The following NCBP3 variants were observed in gnomAD, a reference collection of about 807,000 sequenced individuals.
NCBP3 encodes nuclear cap binding subunit 3, also known as nuclear cap-binding protein subunit 3.
Under a neutral mutation model 75.7 loss-of-function variants are expected in NCBP3, and 20 were observed. The ratio of observed to expected loss-of-function variants is 0.26; its 90% CI spans 0.19 to 0.38. The LOEUF (loss-of-function observed/expected upper bound fraction) is 0.38. NCBP3 is among the 10% of genes least tolerant of loss of function. The pLI is 1.00. For synonymous variants in NCBP3, 293 were observed against 290.5 expected, an observed-to-expected ratio of 1.01 and a Z score of -0.09; for missense variants, 678 against 796.9, an observed-to-expected ratio of 0.85 and a Z score of 1.80.
intron 3 of NCBP3, among the ~76,000 whole-genome samples, chr17:3,833,648 T>A (rs183381): frequency 0.43 from 64,814 of 150,422 alleles, 14,798 homozygotes; most frequent in East Asian, 0.62. Context: ...CTATTTTTTT[T>A]AAAAAAAAAG....
At position 3,809,779 on chromosome 17, in the gene NCBP3, A is replaced by G. The variant is rs1353441126; in HGVS notation, c.*3265T>C. On this transcript the variant is annotated 3_prime_UTR_variant, in exon 13 of 13. Coordinates refer to ENST00000389005, the MANE Select transcript of NCBP3 (RefSeq NM_001114118.3). ...GAAACAACTCAAATGCCCATTAACC[A>G]ATGTGGATTAAAAAAAAGGTGGCAT... is the stretch of plus-strand genomic sequence containing the variant. 1 of 152,180 alleles carries G rather than the reference A, an allele frequency of 6.6e-6. No individual in the cohort carries two copies. Among genetic ancestry groups the G allele is most frequent in the East Asian group, 1.9e-4 (1 of 5,204 alleles). The allele number at this position is 152,180 out of a possible 1,614,324, so 9.4% of individuals were successfully genotyped here. A position where few individuals can be genotyped will look rare whatever the true frequency, so the allele number is the denominator to read the frequency against.
rs1013761177 is a variant in NCBP3, at chr17:3,814,178, G to T, written c.1627+144C>A. On this transcript the variant is annotated intron_variant, in intron 12 of 12. Coordinates refer to ENST00000389005, the MANE Select transcript of NCBP3 (RefSeq NM_001114118.3). ...GGATGATGCTGATGCTGATGCTGAC[G>T]ATAACTATAATGGAAAAGGAATAAT... The T allele has an allele frequency of 4.8e-6, 4 of 841,782 alleles. No homozygotes were observed. The East Asian group carries it at 7.8e-5, about 16-fold the overall frequency. 52.1% of individuals were successfully genotyped at this position (841,782 alleles called of 1,614,324 possible). A position where few individuals can be genotyped will look rare whatever the true frequency, so the allele number is the denominator to read the frequency against.
In NCBP3 at chr17:3,822,113, T is replaced by G. The variant is rs1266490816; in HGVS notation, c.797-61A>C. 1.0e-5 allele frequency: 12 copies of G among 1,184,190 alleles called. No individual in the cohort carries two copies. In the African/African-American group the frequency reaches 1.7e-4, roughly 17 times the overall value. 73.4% of individuals were successfully genotyped at this position (1,184,190 alleles called of 1,614,324 possible). The stretch of plus-strand genomic sequence containing the variant: ...TGTGAGTGTAAAGACAATGTTGAAT[T>G]TTTTTTTTAATGTTTTCCATAGCTG... On this transcript the variant is annotated intron_variant, in intron 7 of 12. Coordinates refer to ENST00000389005, the MANE Select transcript of NCBP3 (RefSeq NM_001114118.3).
chr17:3,828,316 G>C (rs2053822635), intron 4 of NCBP3, among the ~76,000 whole-genome samples: 1 of 152,204 alleles, frequency 6.6e-6, no homozygotes, highest in South Asian at 2.1e-4. Flanking sequence ...CAGCAGAGCT[G>C]AGCAGATGTG....
chr17:3,825,382 C>T (rs2053765841), intron 6 of NCBP3, among the ~76,000 whole-genome samples: 1 of 152,148 alleles, frequency 6.6e-6, no homozygotes, highest in Non-Finnish European at 1.5e-5. Flanking sequence ...AGCTATATCC[C>T]TAGCACTTAG....
intron 3 of NCBP3, among the ~76,000 whole-genome samples, chr17:3,835,018 G>C (rs1458841152): frequency 6.6e-6 from 1 of 152,148 alleles, no homozygotes; most frequent in Non-Finnish European, 1.5e-5. Flanking sequence ...TATGATACTG[G>C]AAGACACTGC....
At chr17:3,840,297 C>T in intron 2 of NCBP3, 92 bp from the exon 3 acceptor site, 1 of 1,019,296 alleles carries the variant, frequency 9.8e-7, no homozygotes, top group Non-Finnish European at 1.5e-6. Context: ...CAAACCTGAA[C>T]TAAAAAAGAA....
chr17:3,838,353 C>T (rs2054011280), intron 3 of NCBP3, among the ~76,000 whole-genome samples: 1 of 152,244 alleles, frequency 6.6e-6, no homozygotes, highest in African/African-American at 2.4e-5. Flanking sequence ...GCTATGACGC[C>T]CTCGCGGTAG....
chr17:3,818,598 T>C lies in NCBP3; in HGVS notation c.1001-26A>G, dbSNP rs1269950878. 1 of 1,572,278 alleles carries C rather than the reference T, an allele frequency of 6.4e-7. No individual in the cohort carries two copies. Among genetic ancestry groups the C allele is most frequent in the Non-Finnish European group, 8.6e-7 (1 of 1,165,498 alleles). On this transcript the variant is annotated intron_variant, in intron 9 of 12. Coordinates refer to ENST00000389005, the MANE Select transcript of NCBP3 (RefSeq NM_001114118.3). This position sits in a 1 kb window ranked among gnomAD's most constrained non-coding sequence, Gnocchi z 4.7. Reference sequence around the variant, plus strand: ...CTGAAGAAATTTAACCAGAAAACATTAGGAAAAGCACTAAAATTAACAAGT... The same window carrying C: ...CTGAAGAAATTTAACCAGAAAACATCAGGAAAAGCACTAAAATTAACAAGT...
chr17:3,826,288 G>T, intron 4 of NCBP3, 73 bp from the exon 5 acceptor site: 1 of 1,384,952 alleles, frequency 7.2e-7, no homozygotes, highest in Non-Finnish European at 9.7e-7. Context: ...ATTCTGCATC[G>T]CATTCATCAC....
intron 7 of NCBP3, chr17:3,822,344 A>G (rs1467075839): frequency 7.9e-6 from 2 of 252,236 alleles, no homozygotes; most frequent in African/African-American, 4.5e-5. Context: ...AAAGGCATAA[A>G]AGAGCTTTAG....
intron 12 of NCBP3, among the ~76,000 whole-genome samples, chr17:3,814,076 CTA>C (rs2053478548): frequency 6.6e-6 from 1 of 152,160 alleles, no homozygotes; most frequent in African/African-American, 2.4e-5. Context: ...TCACATGAAA[CTA>C]AAAAGATTTG....
intron 7 of NCBP3, chr17:3,822,834 T>C (rs1420445616): frequency 6.6e-6 from 1 of 152,096 alleles, no homozygotes; most frequent in Admixed American, 6.5e-5. Flanking sequence ...CCTCAAACCA[T>C]GCCCACCAGC....
At chr17:3,814,520 T>C in intron 11 of NCBP3, 37 bp from the exon 12 acceptor site, 1 of 1,609,338 alleles carries the variant, frequency 6.2e-7, no homozygotes, top group Non-Finnish European at 8.5e-7. Flanking sequence ...TGACCGTGTG[T>C]GTGCTTTATG....
Position 3,805,262 on chromosome 17 carries a change from C to G in NCBP3, c.*7782G>C, listed in dbSNP as rs1418483729. On this transcript the variant is annotated 3_prime_UTR_variant, in exon 13 of 13. Transcript: ENST00000389005. ...CTACAGGTGTGAGCCACGTGCCCAG[C>G]TAGGTGGTGTGTAAACTTTAAAAAA... The G allele has an allele frequency of 1.3e-5, 2 of 152,112 alleles. No individual in the cohort carries two copies. Among genetic ancestry groups the G allele is most frequent in the Non-Finnish European group, 2.9e-5 (2 of 68,024 alleles). The allele number at this position is 152,112 out of a possible 1,614,324, so 9.4% of individuals were successfully genotyped here.
At chr17:3,822,108 T>C in intron 7 of NCBP3, 56 bp from the exon 8 acceptor site, 1 of 1,248,764 alleles carries the variant, frequency 8.0e-7, no homozygotes, top group Non-Finnish European at 1.1e-6. Context: ...AAGACAATGT[T>C]GAATTTTTTT....
In NCBP3 at chr17:3,812,504, C is replaced by G. The variant is rs772557088; in HGVS notation, c.*540G>C. The G allele has an allele frequency of 1.1e-5, 11 of 993,016 alleles. No individual in the cohort carries two copies. Among genetic ancestry groups the G allele is most frequent in the Non-Finnish European group, 1.2e-5 (10 of 834,534 alleles). The allele number at this position is 993,016 out of a possible 1,614,324, so 61.5% of individuals were successfully genotyped here. A position where few individuals can be genotyped will look rare whatever the true frequency, so the allele number is the denominator to read the frequency against. ...GCAGCTCTTATCTACCTGGGCGGCA[C>G]TGGTGCACCTCTGAGGTCAGGTCCG... On this transcript the variant is annotated 3_prime_UTR_variant, in exon 13 of 13. Transcript: ENST00000389005.
rs2053361505 is a variant in NCBP3 at position 3,808,631 on chromosome 17, G to A, written c.*4413C>T. The A allele has an allele frequency of 6.6e-6, 1 of 152,390 alleles. No individual in the cohort carries two copies. Among genetic ancestry groups the A allele is most frequent in the Non-Finnish European group, 1.5e-5 (1 of 68,160 alleles). 9.4% of individuals were successfully genotyped at this position (152,390 alleles called of 1,614,324 possible). A position where few individuals can be genotyped will look rare whatever the true frequency, so the allele number is the denominator to read the frequency against. On this transcript the variant is annotated 3_prime_UTR_variant, in exon 13 of 13. Coordinates refer to ENST00000389005, the MANE Select transcript of NCBP3 (RefSeq NM_001114118.3). ...ATCAAGATACATTTAGGGAACTGGTGAGCAGAGGGCAGGGGAGATGGGGAG... is the reference window on the plus strand; with the variant it reads ...ATCAAGATACATTTAGGGAACTGGTAAGCAGAGGGCAGGGGAGATGGGGAG...
Position 3,829,228 on chromosome 17 carries a change from C to T in NCBP3, c.481+15G>A. On this transcript the variant is annotated intron_variant, in intron 4 of 12. Transcript: ENST00000389005. ...TCAACAAAAGCATATTCACAGGAAA[C>T]TCGGGTGTACTTACAGGAGGTATCA... The T allele has an allele frequency of 1.9e-6, 3 of 1,550,720 alleles. No individual in the cohort carries two copies. The highest frequency in any genetic ancestry group is 1.7e-6 in the Non-Finnish European group (2 of 1,146,474).
Sources: allele counts gnomAD v4.1 joint callset (sites outside exome capture counted in the v4.1 genomes callset), GRCh38; gene constraint gnomAD v4.1.1; non-coding constraint Gnocchi (gnomAD v3.1); transcripts MANE v1.5; gene names NCBI Gene and HGNC (gene_info 2026-07-23, HGNC 2026-07-21).